The following NUP62CL variants were observed in gnomAD, a reference collection of about 807,000 sequenced individuals.
NUP62CL encodes the protein nucleoporin 62 C-terminal like, also known as nucleoporin-62 C-terminal-like protein.
NUP62CL carries 13 observed loss-of-function variants against 15.3 expected under a neutral mutation model. The ratio of observed to expected loss-of-function variants is 0.85; its 90% confidence interval spans 0.55 to 1.35. The LOEUF (loss-of-function observed/expected upper bound fraction) is 1.35. Among genes scored for constraint, NUP62CL ranks in the 40% most tolerant of loss-of-function variants. The pLI is 0.00. For missense variants in NUP62CL, 123 were observed against 130.6 expected (o/e 0.94, Z 0.28); for synonymous variants, 54 against 49.2 (o/e 1.10, Z -0.41).
intron 3 of NUP62CL, among the ~76,000 whole-genome samples, chrX:107,172,616 A>G (rs976540631): frequency 9.0e-5 from 10 of 111,449 alleles, no homozygotes; most frequent in African/African-American, 3.3e-4. Flanking sequence ...ACAAATTTAG[A>G]ATAGGTCTAG....
At chrX:107,162,313 G>T (rs1302062744) in intron 4 of NUP62CL, among the ~76,000 whole-genome samples, 1 of 110,242 alleles carries the variant, frequency 9.1e-6, no homozygotes, top group Non-Finnish European at 1.9e-5. Context: ...ACTGAAAAAC[G>T]TATTTAAAAA....
intron 3 of NUP62CL, among the ~76,000 whole-genome samples, chrX:107,168,510 C>T (rs750980089): frequency 4.5e-5 from 5 of 111,810 alleles, no homozygotes; most frequent in African/African-American, 1.6e-4. Context: ...GACTCAAATT[C>T]TTTGTTCCCC....
At chrX:107,178,210 A>G (rs1264745980) in intron 2 of NUP62CL, among the ~76,000 whole-genome samples, 1 of 111,834 alleles carries the variant, frequency 8.9e-6, no homozygotes, top group East Asian at 2.8e-4. Flanking sequence ...AATGACTGCT[A>G]ATGAGTAGAG....
intron 2 of NUP62CL, among the ~76,000 whole-genome samples, chrX:107,183,438 T>G (rs968769291): frequency 9.1e-6 from 1 of 110,294 alleles, no homozygotes; most frequent in Non-Finnish European, 1.9e-5. Context: ...CTCTATTGCT[T>G]AAAAAAAGAG....
chrX:107,160,784 A>T (rs1474700992), intron 4 of NUP62CL, among the ~76,000 whole-genome samples: 6 of 111,383 alleles, frequency 5.4e-5, no homozygotes, highest in Non-Finnish European at 1.1e-4. Flanking sequence ...GACAAATGGG[A>T]TCTAATTAAA....
At chrX:107,182,649 C>T (rs1926947181) in intron 2 of NUP62CL, among the ~76,000 whole-genome samples, 1 of 110,629 alleles carries the variant, frequency 9.0e-6, no homozygotes, top group Admixed American at 9.7e-5. Context: ...GAATAGAAAG[C>T]CTAGAAGCAG....
At chrX:107,152,099 G>GATATATATATATATATTTAGATAT (rs746505025) in intron 7 of NUP62CL, among the ~76,000 whole-genome samples, 1 of 38,850 alleles carries the variant, frequency 2.6e-5, no homozygotes, top group African/African-American at 1.6e-4. Context: ...TATATATTCA[G>GATATATATATATATATTTAGATAT]ATATATATAT....
intron 1 of NUP62CL, among the ~76,000 whole-genome samples, chrX:107,204,747 T>TGC (rs1927584356): frequency 1.1e-5 from 1 of 94,969 alleles, no homozygotes; most frequent in Non-Finnish European, 2.0e-5. Flanking sequence ...TTAAATAAAT[T>TGC]ATTTAAATAA....
At position 107,148,435 on chromosome X, in the gene NUP62CL, A is replaced by C. The variant is rs148045081; in HGVS notation, c.531-626T>G. On this transcript the variant is annotated intron_variant, in intron 7 of 8. Transcript: ENST00000372466. ...TCTCTACCAATCAAAAAATGATTAA[A>C]TAGATCATGGTAAAGTCAACCCTGA... Among the ~76,000 whole-genome samples, 1,091 of 111,715 alleles carry C rather than the reference A, an allele frequency of 9.8e-3. 9 individuals carry two copies. Among genetic ancestry groups the C allele is most frequent in the Middle Eastern group, 0.023 (5 of 213 alleles).
intron 2 of NUP62CL, among the ~76,000 whole-genome samples, chrX:107,177,003 T>C (rs1029834752): frequency 5.0e-5 from 5 of 100,977 alleles, no homozygotes; most frequent in Non-Finnish European, 9.8e-5. Flanking sequence ...AAAACACATG[T>C]GGATTGAAAA....
intron 1 of NUP62CL, among the ~76,000 whole-genome samples, chrX:107,203,305 G>A (rs1355136244): frequency 9.5e-6 from 1 of 105,693 alleles, no homozygotes; most frequent in Non-Finnish European, 1.9e-5. Flanking sequence ...GTGCAGTGGC[G>A]TAATCACAGC....
intron 8 of NUP62CL, among the ~76,000 whole-genome samples, chrX:107,133,552 G>C (rs1234270376): frequency 4.5e-5 from 5 of 111,464 alleles, no homozygotes; most frequent in Admixed American, 1.9e-4. Flanking sequence ...GCCCAGGCTG[G>C]TCTTGAACTC....
At chrX:107,155,522 G>C (rs1040218321) in intron 4 of NUP62CL, among the ~76,000 whole-genome samples, 1 of 111,724 alleles carries the variant, frequency 9.0e-6, no homozygotes, top group East Asian at 2.8e-4. Context: ...TGAGTCAGTG[G>C]GGCTAAGCGG....
intron 2 of NUP62CL, among the ~76,000 whole-genome samples, chrX:107,191,018 T>C (rs755229927): frequency 9.4e-6 from 1 of 106,624 alleles, no homozygotes; most frequent in African/African-American, 3.5e-5. Context: ...GTAGGTTGTG[T>C]GGAAGCAGTG....
rs1466814832 is a variant in NUP62CL at position 107,178,454 on chromosome X, A to G, written c.-47-3261T>C. Among the ~76,000 whole-genome samples the G allele has an allele frequency of 5.3e-5, 6 of 112,674 alleles. No homozygotes were observed. In the South Asian group the frequency reaches 1.1e-3, roughly 21 times the overall value. On this transcript the variant is annotated intron_variant, in intron 2 of 8. Coordinates refer to ENST00000372466, the MANE Select transcript of NUP62CL (RefSeq NM_017681.3). ...ATAGAGTTACTTGAAAGCAAAGTTCATATCTTTTCATCCTCACTGCAGATC... is the reference window on the plus strand; with the variant it reads ...ATAGAGTTACTTGAAAGCAAAGTTCGTATCTTTTCATCCTCACTGCAGATC...
At chrX:107,196,598 C>T (rs911730906) in intron 1 of NUP62CL, among the ~76,000 whole-genome samples, 11 of 111,703 alleles carry the variant, frequency 9.8e-5, no homozygotes, top group African/African-American at 3.6e-4. Context: ...TGTGCCACCA[C>T]GCTTGGCTAA....
In NUP62CL at chrX:107,152,061, T is replaced by G. The variant is rs1392455471; in HGVS notation, c.530+1111A>C. ...ATATATATATTCAGATATATATATATATATATATATATATTCAGATATATA... is the reference window on the plus strand; with the variant it reads ...ATATATATATTCAGATATATATATAGATATATATATATATTCAGATATATA... On this transcript the variant is annotated intron_variant, in intron 7 of 8. Transcript: ENST00000372466. Among the ~76,000 whole-genome samples the G allele has an allele frequency of 4.3e-5, 3 of 69,238 alleles. No individual in the cohort carries two copies. The East Asian group carries it at 1.6e-3, about 38-fold the overall frequency. The allele number at this position is 69,238 out of a possible 115,157, so 60.1% of individuals were successfully genotyped here. A position where few individuals can be genotyped will look rare whatever the true frequency, so the allele number is the denominator to read the frequency against.
In NUP62CL at chrX:107,164,384, C is replaced by A. The variant is rs112869192; in HGVS notation, c.194+3265G>T. On this transcript the variant is annotated intron_variant, in intron 4 of 8. Coordinates refer to ENST00000372466, the MANE Select transcript of NUP62CL (RefSeq NM_017681.3). ...GGGTATTTATAGCACTAAATGTGTA[C>A]GTTAAAAAATAGGAAAAATCTCAAA... is the stretch of plus-strand genomic sequence containing the variant. Among the ~76,000 whole-genome samples the A allele has an allele frequency of 2.7e-3, 300 of 110,323 alleles. 3 individuals carry two copies. Among genetic ancestry groups the A allele is most frequent in the African/African-American group, 9.3e-3 (282 of 30,347 alleles).
intron 8 of NUP62CL, among the ~76,000 whole-genome samples, chrX:107,125,655 G>A (rs1409118444): frequency 9.0e-6 from 1 of 111,245 alleles, no homozygotes. Flanking sequence ...AACTAACTGC[G>A]GGGTGCAATT....
Sources: gnomAD v4.1 joint callset for allele counts (sites outside exome capture counted in the v4.1 genomes callset) on GRCh38, gnomAD v4.1.1 for gene constraint, MANE v1.5 for transcripts, NCBI Gene and HGNC (gene_info 2026-07-23, HGNC 2026-07-21) for gene names.